Variants in SLC12A8 observed in about 807,000 individuals in gnomAD.
The protein encoded by SLC12A8 is solute carrier family 12 member 8, also known as cation-chloride cotransporter 9.
SLC12A8 carries 69 observed loss-of-function variants against 75.6 expected under a neutral mutation model. That is an observed-to-expected ratio of 0.91 (90% CI 0.75 to 1.11). The LOEUF is 1.11. SLC12A8 is among the 50% of genes most tolerant of loss of function. SLC12A8 has a pLI of 0.00. For missense variants in SLC12A8, 877 were observed against 896.7 expected (o/e 0.98, Z 0.28); for synonymous variants, 365 against 372.8 (o/e 0.98, Z 0.24).
chr3:125,103,021 C>T (rs986269534), intron 10 of SLC12A8, among the ~76,000 whole-genome samples: 2 of 152,156 alleles, frequency 1.3e-5, no homozygotes, highest in Non-Finnish European at 2.9e-5. Context: ...AGATCCTTTT[C>T]TCTGCCTATG....
intron 8 of SLC12A8, among the ~76,000 whole-genome samples, chr3:125,114,391 A>G (rs1017231245): frequency 1.3e-5 from 2 of 152,184 alleles, no homozygotes; most frequent in African/African-American, 4.8e-5. Context: ...AAATCCAGGA[A>G]TCAGAGTTTG....
chr3:125,154,649 C>T (rs975212762), intron 5 of SLC12A8, among the ~76,000 whole-genome samples: 3 of 152,182 alleles, frequency 2.0e-5, no homozygotes, highest in African/African-American at 7.2e-5. Context: ...ACCCTATATA[C>T]ACCACGTTTT....
At chr3:125,140,623 C>T (rs1933607176) in intron 5 of SLC12A8, among the ~76,000 whole-genome samples, 1 of 152,222 alleles carries the variant, frequency 6.6e-6, no homozygotes, top group Non-Finnish European at 1.5e-5. Context: ...GACCCCACAT[C>T]TGAGTGAATT....
intron 6 of SLC12A8, chr3:125,123,488 TC>T (rs1321373026): frequency 6.6e-6 from 1 of 151,584 alleles, no homozygotes; most frequent in Admixed American, 6.6e-5. Context: ...GGTACACACA[TC>T]CCAGCTACTC....
chr3:125,101,770 T>G (rs1426105392), intron 10 of SLC12A8, among the ~76,000 whole-genome samples: 1 of 152,268 alleles, frequency 6.6e-6, no homozygotes, highest in African/African-American at 2.4e-5. Flanking sequence ...TATTATTTTA[T>G]AGCATCTGGT....
intron 4 of SLC12A8, among the ~76,000 whole-genome samples, chr3:125,183,196 C>T (rs1041852663): frequency 6.6e-6 from 1 of 152,170 alleles, no homozygotes; most frequent in Non-Finnish European, 1.5e-5. Flanking sequence ...CCCCTTCCAA[C>T]CTGAATGCTG....
At chr3:125,111,398 C>T (rs1476972960) in intron 8 of SLC12A8, among the ~76,000 whole-genome samples, 1 of 152,192 alleles carries the variant, frequency 6.6e-6, no homozygotes, top group Non-Finnish European at 1.5e-5. Flanking sequence ...GACTGCTTGC[C>T]ATGCACAGCC....
chr3:125,142,412 G>A (rs780346099), intron 5 of SLC12A8, among the ~76,000 whole-genome samples: 7 of 152,214 alleles, frequency 4.6e-5, no homozygotes, highest in African/African-American at 1.7e-4. Flanking sequence ...GGTTATCAGG[G>A]AGGAGCCCAG....
chr3:125,110,160 A>C, intron 9 of SLC12A8, 29 bp downstream of exon 9: 1 of 1,597,450 alleles, frequency 6.3e-7, no homozygotes, highest in South Asian at 1.1e-5. Flanking sequence ...ATGTTTCAAA[A>C]AACAAACCAA....
chr3:125,110,493 T>G (rs1939161012), intron 8 of SLC12A8, 158 bp from the exon 9 acceptor site: 1 of 607,294 alleles, frequency 1.6e-6, no homozygotes, highest in Middle Eastern at 4.2e-4. Context: ...CTCGCCCCCA[T>G]TCATTCCATG....
At chr3:125,142,251 C>A (rs1933668040) in intron 5 of SLC12A8, among the ~76,000 whole-genome samples, 1 of 152,214 alleles carries the variant, frequency 6.6e-6, no homozygotes, top group Admixed American at 6.5e-5. Flanking sequence ...CCCAAGCAGC[C>A]CCATCCTCGC....
chr3:125,140,211 A>G (rs563706702), intron 5 of SLC12A8, among the ~76,000 whole-genome samples: 13 of 152,334 alleles, frequency 8.5e-5, no homozygotes, highest in Admixed American at 2.0e-4. Context: ...AATAATGCTG[A>G]GCGACCAGTG....
chr3:125,150,428 T>G (rs1293729053), intron 5 of SLC12A8, among the ~76,000 whole-genome samples: 2 of 152,214 alleles, frequency 1.3e-5, no homozygotes, highest in Non-Finnish European at 2.9e-5. Flanking sequence ...ATTAACCCTT[T>G]ACAGATCAAT....
At chr3:125,199,556 A>G (rs1935079587) in intron 2 of SLC12A8, among the ~76,000 whole-genome samples, 2 of 151,198 alleles carry the variant, frequency 1.3e-5, no homozygotes, top group Non-Finnish European at 2.9e-5. Context: ...AGCCTGGGCA[A>G]CATAATCAAA....
At chr3:125,184,222 T>C (rs1475505032) in intron 4 of SLC12A8, among the ~76,000 whole-genome samples, 1 of 152,074 alleles carries the variant, frequency 6.6e-6, no homozygotes, top group Non-Finnish European at 1.5e-5. Context: ...CCACCTGCCT[T>C]GACCTCCCAA....
At chr3:125,177,577 G>A (rs1934561359) in intron 5 of SLC12A8, among the ~76,000 whole-genome samples, 166 bp downstream of exon 5, 1 of 152,074 alleles carries the variant, frequency 6.6e-6, no homozygotes, top group African/African-American at 2.4e-5. Context: ...GCCTCATGAA[G>A]CTGCTCCAAG....
chr3:125,147,877 G>A (rs1379207795), intron 5 of SLC12A8, among the ~76,000 whole-genome samples: 2 of 152,146 alleles, frequency 1.3e-5, no homozygotes, highest in African/African-American at 2.4e-5. Flanking sequence ...AGGGCCTCCA[G>A]GGACCTACTC....
chr3:125,140,315 C>T (rs942456789), intron 5 of SLC12A8, among the ~76,000 whole-genome samples: 3 of 152,160 alleles, frequency 2.0e-5, no homozygotes, highest in South Asian at 4.1e-4. Flanking sequence ...GGCTCCGGAA[C>T]GTGAAAAAGC....
intron 2 of SLC12A8, chr3:125,206,553 T>C (rs1935230263): frequency 6.6e-6 from 1 of 152,364 alleles, no homozygotes; most frequent in Admixed American, 6.5e-5. Context: ...GACCAGGCTC[T>C]ATCTTACCAC....
Sources: allele counts gnomAD v4.1 joint callset (sites outside exome capture counted in the v4.1 genomes callset), GRCh38; gene constraint gnomAD v4.1.1; transcripts MANE v1.5; gene names NCBI Gene and HGNC (gene_info 2026-07-23, HGNC 2026-07-21).